The following GPHN variants were observed in gnomAD, a reference collection of about 807,000 sequenced individuals.
GPHN encodes the protein gephyrin.
Under a neutral mutation model 95.5 loss-of-function variants are expected in GPHN, and 17 were observed. That is an observed-to-expected ratio of 0.18 (90% CI 0.12 to 0.27). The LOEUF (loss-of-function observed/expected upper bound fraction) is 0.27, where lower values mean the gene tolerates loss of function less well. GPHN is among the 10% of genes least tolerant of loss of function. GPHN has a pLI of 1.00. For synonymous variants in GPHN, 320 were observed against 322.5 expected (o/e 0.99, Z 0.08); for missense variants, 660 against 978.1 (o/e 0.67, Z 4.34).
intron 9 of GPHN, among the ~76,000 whole-genome samples, chr14:67,003,945 T>C (rs1393596733): frequency 8.1e-6 from 1 of 123,362 alleles, no homozygotes; most frequent in East Asian, 2.5e-4. Context: ...CGGGTCTGTG[T>C]CGATTTAATC....
At chr14:66,542,130 T>G (rs1333745736) in intron 1 of GPHN, among the ~76,000 whole-genome samples, 18 of 152,212 alleles carry the variant, frequency 1.2e-4, no homozygotes, top group Non-Finnish European at 2.9e-5. Flanking sequence ...ATCCAGCCAT[T>G]TTTAAACTTT....
At position 66,844,018 on chromosome 14, in the gene GPHN, A is replaced by G. The variant is rs2062207552; in HGVS notation, c.294+19452A>G. ...ACTCCTATTAATTTTATCCTTTTTA[A>G]TAAGACCAGAAGATTTTTTTGCAAC... is the stretch of plus-strand genomic sequence containing the variant. On this transcript the variant is annotated intron_variant, in intron 4 of 22. Coordinates refer to ENST00000478722, the MANE Select transcript of GPHN (RefSeq NM_020806.5). Among the ~76,000 whole-genome samples the G allele has an allele frequency of 5.9e-5, 9 of 152,138 alleles. No individual in the cohort carries two copies. In the South Asian group the frequency reaches 1.9e-3, roughly 32 times the overall value.
At chr14:67,123,730 C>CG (rs1319651094) in intron 17 of GPHN, among the ~76,000 whole-genome samples, 2 of 152,114 alleles carry the variant, frequency 1.3e-5, no homozygotes, top group Non-Finnish European at 2.9e-5. Flanking sequence ...CCATGGACCA[C>CG]GTACAACCCA....
chr14:67,399,851 G>A, the GPHN span, among the ~76,000 whole-genome samples: 18 of 152,324 alleles, frequency 1.2e-4, no homozygotes, highest in African/African-American at 4.3e-4. Flanking sequence ...AGTGGATGGG[G>A]AAATGTCTGC....
intron 10 of GPHN, among the ~76,000 whole-genome samples, chr14:67,032,558 A>G (rs1409556602): frequency 6.6e-6 from 1 of 152,148 alleles, no homozygotes; most frequent in Admixed American, 6.5e-5. Context: ...GCCACTGAGA[A>G]TAAGGAACAG....
intron 1 of GPHN, among the ~76,000 whole-genome samples, chr14:66,597,915 A>G (rs1460784063): frequency 1.3e-5 from 2 of 152,170 alleles, no homozygotes; most frequent in Non-Finnish European, 2.9e-5. Context: ...TGAAGAAAAC[A>G]TGTTATATAT....
chr14:67,148,558 CTTTTTTTTTTT>C (rs368140123), intron 18 of GPHN, among the ~76,000 whole-genome samples: 1 of 109,058 alleles, frequency 9.2e-6, no homozygotes, highest in African/African-American at 3.8e-5. Flanking sequence ...ACTTTATTTG[CTTTTTTTTTTT>C]TTTTTTTTTG....
chr14:66,999,169 A>G (rs1267496091), intron 9 of GPHN, among the ~76,000 whole-genome samples: 2 of 151,970 alleles, frequency 1.3e-5, no homozygotes, highest in African/African-American at 2.4e-5. Flanking sequence ...CTCTGTGACT[A>G]GCATGTAGTA....
chr14:67,318,524 ACT>A, the GPHN span, among the ~76,000 whole-genome samples: 1 of 152,250 alleles, frequency 6.6e-6, no homozygotes, highest in Non-Finnish European at 1.5e-5. Flanking sequence ...GGATATACAC[ACT>A]GAGTCTATAA....
the GPHN span, among the ~76,000 whole-genome samples, chr14:67,636,447 T>C: frequency 6.6e-6 from 1 of 152,356 alleles, no homozygotes; most frequent in East Asian, 1.9e-4. Context: ...CACGTATCTG[T>C]AGAGCGTGTA....
intron 1 of GPHN, among the ~76,000 whole-genome samples, chr14:66,621,631 G>A (rs150872173): frequency 0.019 from 2,914 of 151,496 alleles, 41 homozygotes; most frequent in Middle Eastern, 0.034. Flanking sequence ...CACCATGTTA[G>A]CCAGGATGGT....
At chr14:67,407,743 AC>A in the GPHN span, among the ~76,000 whole-genome samples, 1 of 152,068 alleles carries the variant, frequency 6.6e-6, no homozygotes, top group Non-Finnish European at 1.5e-5. Flanking sequence ...CACCCGGCAG[AC>A]CCCTAACTTT....
intron 5 of GPHN, among the ~76,000 whole-genome samples, chr14:66,890,292 C>T (rs1199996812): frequency 1.3e-5 from 2 of 151,684 alleles, no homozygotes; most frequent in African/African-American, 4.8e-5. Flanking sequence ...CCTGTAGTCC[C>T]AGCTACTCAG....
intron 8 of GPHN, among the ~76,000 whole-genome samples, chr14:66,932,267 G>C (rs1200476590): frequency 1.3e-5 from 2 of 151,932 alleles, no homozygotes; most frequent in African/African-American, 4.8e-5. Flanking sequence ...TTGGGGAAGG[G>C]TTAATGGAAG....
At chr14:66,831,550 G>A (rs1163078583) in intron 4 of GPHN, among the ~76,000 whole-genome samples, 1 of 151,962 alleles carries the variant, frequency 6.6e-6, no homozygotes, top group Non-Finnish European at 1.5e-5. Context: ...TAAACACGTT[G>A]GCATGCAATA....
At chr14:67,731,445 C>T in the GPHN span, among the ~76,000 whole-genome samples, 2 of 151,754 alleles carry the variant, frequency 1.3e-5, no homozygotes, top group East Asian at 1.9e-4. Flanking sequence ...GAACTCCTGA[C>T]CTCAAGTGAT....
chr14:66,992,623 C>A (rs929737656), intron 9 of GPHN, among the ~76,000 whole-genome samples: 2 of 152,040 alleles, frequency 1.3e-5, no homozygotes, highest in Non-Finnish European at 2.9e-5. Flanking sequence ...CTCTGAACTA[C>A]TTTCTTATAT....
intron 2 of GPHN, among the ~76,000 whole-genome samples, chr14:66,716,272 T>C (rs879369162): frequency 2.1e-4 from 32 of 152,336 alleles, no homozygotes; most frequent in South Asian, 1.5e-3. Flanking sequence ...TTTGTCTTTT[T>C]TAATTGCTGT....
Position 67,085,311 on chromosome 14 carries a change from A to C in GPHN, c.1145-3672A>C, listed in dbSNP as rs183148090. Reference sequence around the variant, plus strand: ...GATATATGAACAACTCAGGCATTCAAGACAGAAATCAAGTGAGCTGATATT... The same window carrying C: ...GATATATGAACAACTCAGGCATTCACGACAGAAATCAAGTGAGCTGATATT... On this transcript the variant is annotated intron_variant, in intron 11 of 22. Coordinates refer to ENST00000478722, the MANE Select transcript of GPHN (RefSeq NM_020806.5). 1.2e-3 allele frequency among the ~76,000 whole-genome samples: 179 copies of C among 152,384 alleles called. 1 individual carries two copies. Among genetic ancestry groups the C allele is most frequent in the Non-Finnish European group, 1.3e-4 (9 of 68,040 alleles).
Sources: allele counts gnomAD v4.1 joint callset (sites outside exome capture counted in the v4.1 genomes callset), GRCh38; gene constraint gnomAD v4.1.1; transcripts MANE v1.5; gene names NCBI Gene and HGNC (gene_info 2026-07-23, HGNC 2026-07-21).